Variants in TRAK1 observed in about 807,000 individuals in gnomAD.
TRAK1 encodes trafficking kinesin protein 1.
A neutral mutation model predicts 92.1 loss-of-function variants in TRAK1; 33 were observed. The observed-to-expected ratio is 0.36, with a 90% confidence interval of 0.27 to 0.48. The LOEUF is 0.48. Among genes scored for constraint, TRAK1 ranks in the 20% least tolerant of loss-of-function variants. The pLI, the probability that TRAK1 is intolerant of heterozygous loss-of-function variation, is 0.99. For synonymous variants in TRAK1, 521 were observed against 517.3 expected (o/e 1.01, Z -0.10); for missense variants, 1,123 against 1,257.9 (o/e 0.89, Z 1.62).
chr3:42,030,046 G>A (rs77054506), intron 1 of TRAK1, among the ~76,000 whole-genome samples: 3,766 of 136,620 alleles, frequency 0.028, 64 homozygotes, highest in East Asian at 0.067. Flanking sequence ...AGCCAAGGGA[G>A]AGAAGAGGCG....
chr3:42,219,786 G>GT (rs397989334), intron 15 of TRAK1, among the ~76,000 whole-genome samples, 190 bp downstream of exon 15: 9,500 of 63,382 alleles, frequency 0.15, 2,626 homozygotes, highest in Non-Finnish European at 0.23. Flanking sequence ...GTTGTTATGT[G>GT]TTTTTTTTTT....
intron 2 of TRAK1, among the ~76,000 whole-genome samples, chr3:42,157,887 T>G (rs1195754235): frequency 1.3e-5 from 2 of 152,182 alleles, no homozygotes; most frequent in Admixed American, 1.3e-4. Context: ...TAGTAAATGT[T>G]ACCATTTGGG....
At chr3:42,051,809 A>G (rs1208771787) in intron 1 of TRAK1, 3 of 152,234 alleles carry the variant, frequency 2.0e-5, no homozygotes. Context: ...AGAGACCTTT[A>G]TCTTTTAAGA....
At chr3:42,132,244 GTTTTTTT>G (rs113813133) in intron 2 of TRAK1, among the ~76,000 whole-genome samples, 1 of 138,518 alleles carries the variant, frequency 7.2e-6, no homozygotes. Flanking sequence ...TATGTTTTTT[GTTTTTTT>G]TTTTTTGTTT....
At chr3:42,039,237 C>G (rs990882165) in intron 1 of TRAK1, among the ~76,000 whole-genome samples, 3 of 152,132 alleles carry the variant, frequency 2.0e-5, no homozygotes, top group Non-Finnish European at 2.9e-5. Flanking sequence ...TTAAGTGTTG[C>G]CCATGTTGTA....
chr3:42,168,021 G>A (rs1373513024), intron 2 of TRAK1, among the ~76,000 whole-genome samples: 1 of 152,232 alleles, frequency 6.6e-6, no homozygotes, highest in Admixed American at 6.5e-5. Context: ...CCTTCAAGGA[G>A]GTGGCTATAA....
chr3:42,050,331 G>T (rs924587748), intron 1 of TRAK1, among the ~76,000 whole-genome samples: 1 of 152,184 alleles, frequency 6.6e-6, no homozygotes, highest in African/African-American at 2.4e-5. Context: ...GTGGAGAAGG[G>T]ACCATTGCCC....
intron 8 of TRAK1, among the ~76,000 whole-genome samples, chr3:42,193,515 T>C (rs991896018): frequency 1.3e-5 from 2 of 152,144 alleles, no homozygotes; most frequent in African/African-American, 2.4e-5. Context: ...GCACTAGATA[T>C]GTGCTGCAGT....
At chr3:42,168,539 A>C (rs921816489) in intron 2 of TRAK1, among the ~76,000 whole-genome samples, 23 of 152,270 alleles carry the variant, frequency 1.5e-4, no homozygotes, top group African/African-American at 5.3e-4. Context: ...GCTTGTTTAC[A>C]GTTAGCTCCC....
chr3:42,024,030 C>T (rs1180319584), intron 1 of TRAK1, among the ~76,000 whole-genome samples: 1 of 152,108 alleles, frequency 6.6e-6, no homozygotes, highest in South Asian at 2.1e-4. Flanking sequence ...GCTGGGATTA[C>T]AGGCGTGAGC....
intron 1 of TRAK1, among the ~76,000 whole-genome samples, chr3:42,027,314 G>A (rs1701957654): frequency 6.6e-6 from 1 of 152,134 alleles, no homozygotes. Context: ...ACGAGGTCAG[G>A]AGATCGAGAC....
intron 13 of TRAK1, chr3:42,203,719 A>T: frequency 1.0e-6 from 1 of 984,868 alleles, no homozygotes; most frequent in Non-Finnish European, 1.2e-6. Flanking sequence ...CTTTAAAAAA[A>T]TTATTGTCCC....
At chr3:42,189,176 C>A in intron 6 of TRAK1, 52 bp downstream of exon 6, 1 of 1,406,250 alleles carries the variant, frequency 7.1e-7, no homozygotes, top group South Asian at 1.2e-5. Context: ...TGGCCCCATT[C>A]GCCTTATCTG....
At chr3:42,030,954 G>A (rs1702118983) in intron 1 of TRAK1, among the ~76,000 whole-genome samples, 1 of 151,346 alleles carries the variant, frequency 6.6e-6, no homozygotes, top group Non-Finnish European at 1.5e-5. Context: ...ATGGTGTAAC[G>A]ATTGAACAGA....
intron 1 of TRAK1, among the ~76,000 whole-genome samples, chr3:42,062,273 G>A (rs6804503): frequency 0.099 from 15,004 of 152,118 alleles, 2,559 homozygotes; most frequent in African/African-American, 0.34. Flanking sequence ...AAGGAGTGCC[G>A]TATTAGCGGA....
At chr3:42,132,873 C>T (rs1697399308) in intron 2 of TRAK1, among the ~76,000 whole-genome samples, 1 of 152,212 alleles carries the variant, frequency 6.6e-6, no homozygotes. Flanking sequence ...TTAACTCATC[C>T]ATTGCGGAAA....
intron 15 of TRAK1, among the ~76,000 whole-genome samples, chr3:42,221,633 C>G (rs1710360531): frequency 6.6e-6 from 1 of 152,168 alleles, no homozygotes; most frequent in Non-Finnish European, 1.5e-5. Context: ...TCCCCAGCTC[C>G]TAGGGACCAT....
chr3:42,077,049 T>C (rs1704193775), intron 1 of TRAK1, among the ~76,000 whole-genome samples: 1 of 152,244 alleles, frequency 6.6e-6, no homozygotes, highest in Admixed American at 6.5e-5. Context: ...TAGTATAGTT[T>C]GAAATCAGGT....
intron 1 of TRAK1, among the ~76,000 whole-genome samples, chr3:42,053,375 T>TGGGGGGGG (rs760432112): frequency 2.2e-4 from 11 of 50,620 alleles, no homozygotes; most frequent in Non-Finnish European, 3.8e-4. Flanking sequence ...CAGAGTCGGG[T>TGGGGGGGG]GGGGGGGGGG....
Sources: gnomAD v4.1 joint callset for allele counts (sites outside exome capture counted in the v4.1 genomes callset) on GRCh38, gnomAD v4.1.1 for gene constraint, MANE v1.5 for transcripts, NCBI Gene and HGNC (gene_info 2026-07-23, HGNC 2026-07-21) for gene names.